The following SNX29 variants were observed in gnomAD, a reference collection of about 807,000 sequenced individuals.
SNX29 encodes the protein sorting nexin-29.
In SNX29, 78 loss-of-function variants were observed where a neutral mutation model predicts 102.1. The ratio of observed to expected loss-of-function variants is 0.76; its 90% CI spans 0.64 to 0.92. The LOEUF (loss-of-function observed/expected upper bound fraction) is 0.92. SNX29 is among the 40% of genes least tolerant of loss of function. SNX29 has a pLI of 0.00. For missense variants in SNX29, 1,280 were observed against 1,061.7 expected (o/e 1.21, Z -2.86); for synonymous variants, 580 against 414.5 (o/e 1.40, Z -4.85).
intron 18 of SNX29, among the ~76,000 whole-genome samples, chr16:12,426,178 A>T (rs1340906566): frequency 6.6e-6 from 1 of 152,116 alleles, no homozygotes; most frequent in African/African-American, 2.4e-5. Flanking sequence ...ACAGTCCTCA[A>T]ACCTTGGCAG....
intron 17 of SNX29, among the ~76,000 whole-genome samples, chr16:12,399,873 A>T (rs1480410612): frequency 6.6e-6 from 1 of 152,062 alleles, no homozygotes; most frequent in Non-Finnish European, 1.5e-5. Flanking sequence ...GGAACGGCAG[A>T]GTCCGGCGGA....
chr16:12,295,835 GGAGAT>G lies in SNX29; in HGVS notation c.1782+17803_1782+17807del, dbSNP rs547120194. On this transcript the variant is annotated intron_variant, in intron 15 of 20. Coordinates refer to ENST00000566228, the MANE Select transcript of SNX29 (RefSeq NM_032167.5). The stretch of plus-strand genomic sequence containing the variant: ...TTAATCCATTTTTAAGGTAGAGAAG[GGAGAT>G]GAGTCTTATAAAAACTTGAAAACTG... Among the ~76,000 whole-genome samples, 310 of 152,040 alleles carry G rather than the reference GGAGAT, an allele frequency of 2.0e-3. 2 individuals carry two copies. The highest frequency in any genetic ancestry group is 7.1e-3 in the African/African-American group (294 of 41,456).
chr16:12,563,040 C>G (rs537121745), intron 20 of SNX29, among the ~76,000 whole-genome samples: 1 of 152,064 alleles, frequency 6.6e-6, no homozygotes, highest in African/African-American at 2.4e-5. Flanking sequence ...TTGCAAGGGC[C>G]AAGGTCACCT....
At chr16:12,450,861 A>T (rs2086271830) in intron 18 of SNX29, among the ~76,000 whole-genome samples, 1 of 152,132 alleles carries the variant, frequency 6.6e-6, no homozygotes, top group Non-Finnish European at 1.5e-5. Context: ...TGAAGGACCA[A>T]GGGCAGGAGT....
intron 14 of SNX29, among the ~76,000 whole-genome samples, chr16:12,248,791 T>C (rs534501192): frequency 9.2e-5 from 14 of 152,154 alleles, no homozygotes; most frequent in African/African-American, 3.4e-4. Flanking sequence ...TTTATTTTTC[T>C]GTGCAGCTTT....
Position 12,512,399 on chromosome 16 carries a change from T to G in SNX29, c.2179-12303T>G, listed in dbSNP as rs1208682234. On this transcript the variant is annotated intron_variant, in intron 19 of 20. Coordinates refer to ENST00000566228, the MANE Select transcript of SNX29 (RefSeq NM_032167.5). The stretch of plus-strand genomic sequence containing the variant: ...ATATATATATATATATATATATATA[T>G]ATATATATATATATATATAGTTTTC... Among the ~76,000 whole-genome samples the G allele has an allele frequency of 4.4e-4, 34 of 77,802 alleles. 1 individual carries two copies. The highest frequency in any genetic ancestry group is 3.0e-3 in the East Asian group (9 of 2,968). 51.0% of individuals were successfully genotyped at this position (77,802 alleles called of 152,430 possible). A position where few individuals can be genotyped will look rare whatever the true frequency, so the allele number is the denominator to read the frequency against.
chr16:12,066,123 G>A (rs768540645), intron 9 of SNX29, among the ~76,000 whole-genome samples: 102 of 152,236 alleles, frequency 6.7e-4, no homozygotes, highest in Non-Finnish European at 1.3e-3. Context: ...GGCTGGGTGG[G>A]TCCATGCCTT....
At chr16:12,432,539 T>C (rs2085356172) in intron 18 of SNX29, among the ~76,000 whole-genome samples, 2 of 152,200 alleles carry the variant, frequency 1.3e-5, no homozygotes, top group South Asian at 4.1e-4. Context: ...CAGGGCATCC[T>C]AAGAAGGGGG....
intron 14 of SNX29, among the ~76,000 whole-genome samples, chr16:12,206,052 C>T (rs969445599): frequency 2.6e-5 from 4 of 152,160 alleles, no homozygotes; most frequent in Admixed American, 2.0e-4. Flanking sequence ...TGCATCACCC[C>T]CATGTAACTG....
At chr16:12,496,534 C>G (rs1472538831) in intron 19 of SNX29, among the ~76,000 whole-genome samples, 3 of 107,406 alleles carry the variant, frequency 2.8e-5, no homozygotes, top group Non-Finnish European at 5.3e-5. Flanking sequence ...TTTTTTAAAC[C>G]TAGTCTTGCT....
Position 12,501,422 on chromosome 16 carries a change from A to G in SNX29, c.2179-23280A>G, listed in dbSNP as rs573825679. Among the ~76,000 whole-genome samples the G allele has an allele frequency of 2.0e-5, 3 of 151,926 alleles. 1 individual carries two copies. The South Asian group carries it at 6.2e-4, about 32-fold the overall frequency. On this transcript the variant is annotated intron_variant, in intron 19 of 20. Coordinates refer to ENST00000566228, the MANE Select transcript of SNX29 (RefSeq NM_032167.5). The stretch of plus-strand genomic sequence containing the variant: ...CTATCTCTTTAAAAACAAACAAATT[A>G]TGTTTAAGACAGTGGTAGGCCAGAC...
intron 14 of SNX29, among the ~76,000 whole-genome samples, chr16:12,260,976 G>GC (rs1648550706): frequency 6.8e-6 from 1 of 147,188 alleles, no homozygotes; most frequent in Non-Finnish European, 1.5e-5. Context: ...CTGTGTGCGC[G>GC]CCCCCGGCTG....
chr16:12,314,060 A>G (rs1174391942), intron 15 of SNX29, among the ~76,000 whole-genome samples: 1 of 152,248 alleles, frequency 6.6e-6, no homozygotes, highest in Non-Finnish European at 1.5e-5. Flanking sequence ...CTCACAGCTC[A>G]CTGCAGCCTC....
chr16:12,541,708 C>G (rs550431074), intron 20 of SNX29, among the ~76,000 whole-genome samples: 2 of 152,118 alleles, frequency 1.3e-5, no homozygotes, highest in Non-Finnish European at 2.9e-5. Context: ...GGAGTGGGTT[C>G]CTGATTCCTG....
At chr16:12,017,336 G>A (rs2151080563) in intron 3 of SNX29, among the ~76,000 whole-genome samples, 1 of 152,132 alleles carries the variant, frequency 6.6e-6, no homozygotes, top group Non-Finnish European at 1.5e-5. Flanking sequence ...TATATTTATT[G>A]GCCAACTGTA....
chr16:12,201,993 C>A (rs1420674451), intron 14 of SNX29, among the ~76,000 whole-genome samples: 2 of 152,128 alleles, frequency 1.3e-5, no homozygotes. Context: ...GTCCATTTCC[C>A]CAGACCGATC....
intron 17 of SNX29, among the ~76,000 whole-genome samples, chr16:12,399,782 A>G (rs1306936010): frequency 1.3e-5 from 2 of 151,890 alleles, no homozygotes; most frequent in Non-Finnish European, 2.9e-5. Context: ...GAGGTGGGTG[A>G]GAGGTGAAGG....
At chr16:12,291,320 A>G (rs952011881) in intron 15 of SNX29, among the ~76,000 whole-genome samples, 2 of 152,226 alleles carry the variant, frequency 1.3e-5, no homozygotes, top group African/African-American at 2.4e-5. Context: ...CATGTCTAAC[A>G]TGGATGGTGG....
chr16:12,540,050 G>T (rs561604281), intron 20 of SNX29, among the ~76,000 whole-genome samples: 1 of 152,208 alleles, frequency 6.6e-6, no homozygotes, highest in South Asian at 2.1e-4. Context: ...TACTTTTTGT[G>T]TCCCAGATCA....
Sources: gnomAD v4.1 joint callset for allele counts (sites outside exome capture counted in the v4.1 genomes callset) on GRCh38, gnomAD v4.1.1 for gene constraint, MANE v1.5 for transcripts, NCBI Gene and HGNC (gene_info 2026-07-23, HGNC 2026-07-21) for gene names.